The following OTOF variants were observed in gnomAD, a reference collection of about 807,000 sequenced individuals.
OTOF encodes otoferlin.
Under a neutral mutation model 236.8 loss-of-function variants are expected in OTOF, and 218 were observed. The observed-to-expected ratio is 0.92, with a 90% CI of 0.82 to 1.03. OTOF has a LOEUF of 1.03. OTOF is among the 50% of genes least tolerant of loss of function. The probability of loss-of-function intolerance (pLI) is 0.00; values close to 1 mark genes in which losing one functional copy is unlikely to be tolerated. For missense variants in OTOF, 2,590 were observed against 2,694.4 expected, an observed-to-expected ratio of 0.96 and a Z score of 0.86; for synonymous variants, 1,041 against 1,072.5, an observed-to-expected ratio of 0.97 and a Z score of 0.57.
intron 3 of OTOF, among the ~76,000 whole-genome samples, chr2:26,523,719 A>G (rs1361050664): frequency 1.3e-5 from 2 of 152,196 alleles, no homozygotes; most frequent in African/African-American, 2.4e-5. Flanking sequence ...GGAGCCTGCC[A>G]TGTGCCAGGC....
In OTOF at chr2:26,466,731, G is replaced by A. The variant is rs147321712; in HGVS notation, c.4483C>T (p.Arg1495Ter). 8.1e-6 allele frequency: 13 copies of A among 1,614,212 alleles called. No homozygotes were observed. The highest frequency in any genetic ancestry group is 1.1e-5 in the South Asian group (1 of 91,084). The change falls in exon 36 of 47, where the codon CGA becomes TGA. Residue 1495 changes from arginine to a stop codon, truncating the protein, a stop_gained. Transcript: ENST00000272371. LOFTEE classifies it high-confidence loss of function. ...AGTCTCACCCGGACCACATAGACTCGGACCAGCACATTGATGGGGTCATTG... is the reference window on the plus strand; with the variant it reads ...AGTCTCACCCGGACCACATAGACTCAGACCAGCACATTGATGGGGTCATTG... ...PSNDPINVLV[R>*]VYVVRATDLH...
intron 3 of OTOF, among the ~76,000 whole-genome samples, chr2:26,520,726 G>T (rs544050264): frequency 3.9e-5 from 6 of 152,226 alleles, no homozygotes; most frequent in African/African-American, 1.4e-4. Flanking sequence ...TCTCAATTTG[G>T]TCTTTATAAA....
chr2:26,523,720 T>C (rs1666735608), intron 3 of OTOF, among the ~76,000 whole-genome samples: 1 of 152,224 alleles, frequency 6.6e-6, no homozygotes, highest in East Asian at 1.9e-4. Flanking sequence ...GAGCCTGCCA[T>C]GTGCCAGGCA....
rs138099876 is a variant in OTOF, at chr2:26,507,851, A to C, written c.510-4006T>G. Among the ~76,000 whole-genome samples the C allele has an allele frequency of 5.8e-3, 884 of 152,316 alleles. 12 individuals are homozygous for C. Among genetic ancestry groups the C allele is most frequent in the African/African-American group, 0.02 (851 of 41,556 alleles). ...TAGACTGGTATTTATCTCTAGAGGA[A>C]AAAAATGCTAAAATTAGTTCACTTA... On this transcript the variant is annotated intron_variant, in intron 5 of 46. Transcript: ENST00000272371.
chr2:26,477,618 C>A lies in OTOF; in HGVS notation c.2315+31G>T. 6.2e-7 allele frequency: 1 copy of A among 1,611,346 alleles called. No homozygotes were observed. Among genetic ancestry groups the A allele is most frequent in the Non-Finnish European group, 8.5e-7 (1 of 1,179,322 alleles). ...CCCCTTTGTCCAGTTCCGCCTCATC[C>A]TCCCCCCACCTGCCGCCCCTCCCTT... On this transcript the variant is annotated intron_variant, in intron 19 of 46. Transcript: ENST00000272371. This position sits in a 1 kb window ranked among gnomAD's most constrained non-coding sequence, Gnocchi z 4.7.
chr2:26,513,366 G>A (rs558050556), intron 5 of OTOF, among the ~76,000 whole-genome samples: 1 of 152,248 alleles, frequency 6.6e-6, no homozygotes, highest in Non-Finnish European at 1.5e-5. Flanking sequence ...GTGGACCCAG[G>A]CCCTGGAGGG....
At chr2:26,491,696 G>A (rs569846602) in intron 9 of OTOF, among the ~76,000 whole-genome samples, 28 of 152,322 alleles carry the variant, frequency 1.8e-4, no homozygotes, top group African/African-American at 6.5e-4. Flanking sequence ...AGGACACACA[G>A]GAAAGGAGCC....
At chr2:26,479,782 C>T (rs975277115) in intron 16 of OTOF, 129 bp from the exon 17 acceptor site, 34 of 857,190 alleles carry the variant, frequency 4.0e-5, no homozygotes, top group Non-Finnish European at 7.4e-6. Flanking sequence ...TCAGACGTGA[C>T]ACATCATTAG....
At position 26,476,391 on chromosome 2, in the gene OTOF, G is replaced by A. The variant is rs1016520627; in HGVS notation, c.2677-74C>T. 41 of 1,413,642 alleles carry A rather than the reference G, an allele frequency of 2.9e-5. No homozygotes were observed. In the Admixed American group the frequency reaches 3.9e-4, roughly 13 times the overall value. 87.6% of individuals were successfully genotyped at this position (1,413,642 alleles called of 1,614,324 possible). On this transcript the variant is annotated intron_variant, in intron 22 of 46. Transcript: ENST00000272371. ...AAGAGGTGGGGAAGGGGCAGGGGCC[G>A]GCAGAGGCCCTGGTCAGAGCTGCCC... is the stretch of plus-strand genomic sequence containing the variant.
rs1405798847 is a variant in OTOF, at chr2:26,467,043, G to A, written c.4362+56C>T. ...TGGTGGGAGGTGAGTGGGGGAACCT[G>A]TGGGGGGGGCAAGGGCTGGCGGGTG... On this transcript the variant is annotated intron_variant, in intron 35 of 46. Transcript: ENST00000272371. The A allele has an allele frequency of 5.7e-6, 9 of 1,573,824 alleles. No homozygotes were observed. In the Admixed American group the frequency reaches 1.5e-4, roughly 27 times the overall value.
intron 30 of OTOF, 118 bp from the exon 31 acceptor site, chr2:26,471,268 C>T (rs1299535330): frequency 1.2e-5 from 14 of 1,209,512 alleles, no homozygotes; most frequent in Non-Finnish European, 1.7e-5. Context: ...GTGCTGGCAG[C>T]CCCTGTGCCC....
At chr2:26,469,496 G>A (rs1664883823) in intron 32 of OTOF, among the ~76,000 whole-genome samples, 1 of 152,212 alleles carries the variant, frequency 6.6e-6, no homozygotes, top group South Asian at 2.1e-4. Context: ...GTAGCTAAGG[G>A]ACTAGATTCT....
At position 26,516,445 on chromosome 2, in the gene OTOF, C is replaced by G; in HGVS notation, c.482G>C (p.Arg161Pro). 1.2e-6 allele frequency: 2 copies of G among 1,613,908 alleles called. No individual in the cohort carries two copies. The highest frequency in any genetic ancestry group is 1.7e-6 in the Non-Finnish European group (2 of 1,179,946). Residue 161 changes from arginine to proline, a missense_variant, in exon 5 of 47, where the codon CGG becomes CCG. By Grantham distance (103) the Arg-to-Pro change is moderately radical (BLOSUM62 -2). Transcript: ENST00000272371. ...CCGGAAGCTCTTCTCTCCTGGGGGC[C>G]GGGAGCTGGGCCGGGAGCCTGGGAG... ...GLLPGSRPSS[R>P]PPGEKSFRRA...
intron 13 of OTOF, among the ~76,000 whole-genome samples, chr2:26,482,857 A>ATGCATGTGTGCGTGTGTGAGTGGT (rs1434538995): frequency 1.7e-5 from 1 of 57,326 alleles, no homozygotes; most frequent in African/African-American, 6.6e-5. Flanking sequence ...GCGTGAGTGG[A>ATGCATGTGTGCGTGTGTGAGTGGT]TGCATGTGTG....
chr2:26,518,497 G>A (rs1050937281), intron 4 of OTOF, among the ~76,000 whole-genome samples: 26 of 152,258 alleles, frequency 1.7e-4, no homozygotes, highest in African/African-American at 6.3e-4. Flanking sequence ...AGGCTGTCCT[G>A]GTAGGGTTGC....
chr2:26,537,980 C>T (rs756589143), intron 1 of OTOF, among the ~76,000 whole-genome samples: 3 of 152,098 alleles, frequency 2.0e-5, no homozygotes, highest in Admixed American at 6.5e-5. Flanking sequence ...GTGAGGGAAG[C>T]GGGTCAAAGG....
chr2:26,501,884 G>T, intron 7 of OTOF, 76 bp from the exon 8 acceptor site: 1 of 1,040,778 alleles, frequency 9.6e-7, no homozygotes, highest in South Asian at 1.3e-5. Context: ...GCAGTGGTTA[G>T]ACCTGGGAGT....
Position 26,460,667 on chromosome 2 carries a change from A to G in OTOF, c.5793T>C (p.Pro1931=). The change falls in exon 45 of 47, where the codon CCT becomes CCC. Residue 1931 remains proline, a synonymous_variant. Coordinates refer to ENST00000272371, the MANE Select transcript of OTOF (RefSeq NM_194248.3). This position sits in a 1 kb window ranked among gnomAD's most constrained non-coding sequence, Gnocchi z 5.3. ...KNPVGLARNE[P]DPLEKPNRPD... ...CTCACTTGGGTTTCTCTAGGGGGTC[A>G]GGTTCATTGCGGGCCAGGCCCACTG... is the stretch of plus-strand genomic sequence containing the variant. 6.2e-7 allele frequency: 1 copy of G among 1,613,998 alleles called. No individual in the cohort carries two copies. The highest frequency in any genetic ancestry group is 8.5e-7 in the Non-Finnish European group (1 of 1,179,898).
rs1195927966 is a variant in OTOF, at chr2:26,457,808, C to A, written c.*430G>T. Reference sequence around the variant, plus strand: ...AGAGAGACCCATTCCAGGTCCCCACCCCATCCAAGGCTCCCCAGCCCACAG... The same window carrying A: ...AGAGAGACCCATTCCAGGTCCCCACACCATCCAAGGCTCCCCAGCCCACAG... On this transcript the variant is annotated 3_prime_UTR_variant, in exon 47 of 47. Transcript: ENST00000272371. This position sits in a 1 kb window ranked among gnomAD's most constrained non-coding sequence, Gnocchi z 4.4. 5 of 549,228 alleles carry A rather than the reference C, an allele frequency of 9.1e-6. No homozygotes were observed. Among genetic ancestry groups the A allele is most frequent in the African/African-American group, 7.6e-5 (4 of 52,834 alleles). 34.0% of individuals were successfully genotyped at this position (549,228 alleles called of 1,614,324 possible).
Sources: gnomAD v4.1 joint callset for allele counts (sites outside exome capture counted in the v4.1 genomes callset) on GRCh38, gnomAD v4.1.1 for gene constraint, Gnocchi (gnomAD v3.1) non-coding constraint, MANE v1.5 for transcripts, NCBI Gene and HGNC (gene_info 2026-07-23, HGNC 2026-07-21) for gene names.